The following DTNBP1 variants were observed in gnomAD, a reference collection of about 807,000 sequenced individuals.
DTNBP1 encodes the protein dystrobrevin binding protein 1, also known as dysbindin.
Under a neutral mutation model 42.8 loss-of-function variants are expected in DTNBP1, and 35 were observed. That is an observed-to-expected ratio of 0.82 (90% CI 0.63 to 1.09). The LOEUF is 1.09. Among genes scored for constraint, DTNBP1 ranks in the 50% least tolerant of loss-of-function variants. DTNBP1 has a pLI of 0.00. For missense variants in DTNBP1, 457 were observed against 424.2 expected, an observed-to-expected ratio of 1.08 and a Z score of -0.68; for synonymous variants, 171 against 162.2, an observed-to-expected ratio of 1.05 and a Z score of -0.41.
intron 5 of DTNBP1, among the ~76,000 whole-genome samples, chr6:15,626,142 G>A (rs768866456): frequency 3.0e-4 from 45 of 152,128 alleles, no homozygotes; most frequent in Non-Finnish European, 5.7e-4. Flanking sequence ...TCATCAATGT[G>A]GTTGGAATCC....
chr6:15,557,806 G>A (rs1483370453), intron 7 of DTNBP1, among the ~76,000 whole-genome samples: 5 of 152,010 alleles, frequency 3.3e-5, no homozygotes, highest in African/African-American at 1.2e-4. Context: ...GACTTATTGT[G>A]ACCTAGGATT....
chr6:15,642,145 G>T (rs373381374), intron 3 of DTNBP1, among the ~76,000 whole-genome samples: 1 of 152,126 alleles, frequency 6.6e-6, no homozygotes, highest in African/African-American at 2.4e-5. Flanking sequence ...ACACAGAGCA[G>T]CAACACCCCA....
chr6:15,618,542 AAAG>A lies in DTNBP1; in HGVS notation c.356-3146_356-3144del, dbSNP rs1758850217. On this transcript the variant is annotated intron_variant, in intron 5 of 9. Transcript: ENST00000344537. ...TTACCCCCTAAAACTAAAAAAAAAAAAAGAATAGCTATTAGCGAAAAGACCAAA... is the reference window on the plus strand; with the variant it reads ...TTACCCCCTAAAACTAAAAAAAAAAAAATAGCTATTAGCGAAAAGACCAAA... 3.9e-5 allele frequency among the ~76,000 whole-genome samples: 6 copies of A among 152,252 alleles called. No homozygotes were observed. In the South Asian group the frequency reaches 1.2e-3, roughly 32 times the overall value.
chr6:15,524,267 CAAACAAG>C (rs1389353821), intron 9 of DTNBP1: 1 of 1,537,168 alleles, frequency 6.5e-7, no homozygotes, highest in African/African-American at 1.5e-5. Context: ...GGAGGGAAAA[CAAACAAG>C]AAAGCTCTCA....
intron 6 of DTNBP1, chr6:15,595,057 G>C (rs1230165587): frequency 2.2e-6 from 1 of 454,242 alleles, no homozygotes; most frequent in Non-Finnish European, 4.4e-6. Context: ...GCTGTGAAGA[G>C]GACAAGCCCA....
intron 8 of DTNBP1, among the ~76,000 whole-genome samples, chr6:15,525,385 G>A (rs1772315095): frequency 6.6e-6 from 1 of 152,236 alleles, no homozygotes. Context: ...ATGCCTGGCA[G>A]AAGCAAATGC....
intron 1 of DTNBP1, among the ~76,000 whole-genome samples, chr6:15,653,782 T>C (rs1761141749): frequency 6.6e-6 from 1 of 152,208 alleles, no homozygotes; most frequent in Admixed American, 6.5e-5. Context: ...TAGGCCACAG[T>C]ACTACTGCTA....
rs1342523089 is a variant in DTNBP1 at position 15,662,776 on chromosome 6, C to T, written c.56+38G>A. The T allele has an allele frequency of 5.0e-6, 8 of 1,611,584 alleles. No homozygotes were observed. The East Asian group carries it at 8.9e-5, about 18-fold the overall frequency. On this transcript the variant is annotated intron_variant, in intron 1 of 9. Transcript: ENST00000344537. ...GGGGCATCCCAGGCGGCGGCCCGGCCCCCTCAGGTCCCTTTTCGTCGCCCA... is the reference window on the plus strand; with the variant it reads ...GGGGCATCCCAGGCGGCGGCCCGGCTCCCTCAGGTCCCTTTTCGTCGCCCA...
chr6:15,650,119 G>A (rs904034816), intron 3 of DTNBP1, among the ~76,000 whole-genome samples: 13 of 152,120 alleles, frequency 8.5e-5, no homozygotes, highest in African/African-American at 2.7e-4. Context: ...AAGGAGAAAG[G>A]AAAATGTAGG....
chr6:15,597,759 C>T (rs1481043861), intron 6 of DTNBP1, among the ~76,000 whole-genome samples: 1 of 152,224 alleles, frequency 6.6e-6, no homozygotes, highest in African/African-American at 2.4e-5. Context: ...ACCCAACAGA[C>T]ACTCAGCAAA....
intron 7 of DTNBP1, among the ~76,000 whole-genome samples, chr6:15,552,034 C>T (rs568603010): frequency 9.9e-5 from 15 of 152,170 alleles, no homozygotes; most frequent in Non-Finnish European, 1.9e-4. Flanking sequence ...CAAACAAGTA[C>T]AATCCTCATG....
At chr6:15,556,289 C>T (rs1037332847) in intron 7 of DTNBP1, among the ~76,000 whole-genome samples, 1 of 151,574 alleles carries the variant, frequency 6.6e-6, no homozygotes, top group Admixed American at 6.6e-5. Context: ...TCAAGAGATT[C>T]TCCTGCCCCA....
intron 4 of DTNBP1, among the ~76,000 whole-genome samples, chr6:15,631,538 G>A (rs1049484636): frequency 2.6e-5 from 4 of 152,048 alleles, no homozygotes; most frequent in Admixed American, 6.6e-5. Context: ...TGCTGTATAC[G>A]GTATTTATTT....
intron 8 of DTNBP1, among the ~76,000 whole-genome samples, chr6:15,528,125 AAACTGT>A (rs1772544132): frequency 6.6e-6 from 1 of 152,202 alleles, no homozygotes; most frequent in Non-Finnish European, 1.5e-5. Context: ...AACAAACTTG[AAACTGT>A]AACACTTATA....
chr6:15,647,621 T>A (rs540798611), intron 3 of DTNBP1, among the ~76,000 whole-genome samples: 23 of 150,330 alleles, frequency 1.5e-4, no homozygotes, highest in Non-Finnish European at 2.7e-4. Flanking sequence ...TTACTACGAA[T>A]CTTACAGAAA....
chr6:15,531,761 G>A (rs1051505417), intron 8 of DTNBP1, among the ~76,000 whole-genome samples: 2 of 152,188 alleles, frequency 1.3e-5, no homozygotes, highest in African/African-American at 2.4e-5. Flanking sequence ...AGCCTCCTGA[G>A]TAGCTGGGAC....
intron 5 of DTNBP1, among the ~76,000 whole-genome samples, chr6:15,625,776 A>C (rs1759305543): frequency 6.6e-6 from 1 of 152,232 alleles, no homozygotes; most frequent in African/African-American, 2.4e-5. Flanking sequence ...TCTGCAAAGA[A>C]ACATACAACC....
intron 7 of DTNBP1, among the ~76,000 whole-genome samples, chr6:15,576,769 T>TAAAA (rs34473285): frequency 1.0e-5 from 1 of 99,074 alleles, no homozygotes. Context: ...ACTCTGTCTC[T>TAAAA]AAAAAAAAAA....
At chr6:15,553,236 G>C (rs1319132996) in intron 7 of DTNBP1, among the ~76,000 whole-genome samples, 1 of 151,934 alleles carries the variant, frequency 6.6e-6, no homozygotes, top group African/African-American at 2.4e-5. Context: ...TGACAGGCTG[G>C]GAAGCACAGC....
Sources: gnomAD v4.1 joint callset for allele counts (sites outside exome capture counted in the v4.1 genomes callset) on GRCh38, gnomAD v4.1.1 for gene constraint, MANE v1.5 for transcripts, NCBI Gene and HGNC (gene_info 2026-07-23, HGNC 2026-07-21) for gene names.